The following XYLT1 variants were observed in gnomAD, a reference collection of about 807,000 sequenced individuals.
XYLT1 encodes the protein xylosyltransferase 1.
Under a neutral mutation model 91.3 loss-of-function variants are expected in XYLT1, and 36 were observed. That is an observed-to-expected ratio of 0.39 (90% CI 0.30 to 0.52). XYLT1 has a LOEUF of 0.52. XYLT1 is among the 20% of genes least tolerant of loss of function. The pLI, the probability that XYLT1 is intolerant of heterozygous loss-of-function variation, is 0.68. For synonymous variants in XYLT1, 588 were observed against 532.0 expected, an observed-to-expected ratio of 1.11 and a Z score of -1.45; for missense variants, 1,242 against 1,284.5, an observed-to-expected ratio of 0.97 and a Z score of 0.51.
At chr16:17,397,767 C>G (rs1294518936) in intron 1 of XYLT1, among the ~76,000 whole-genome samples, 5 of 151,080 alleles carry the variant, frequency 3.3e-5, no homozygotes, top group Non-Finnish European at 4.4e-5. Context: ...TTCAGACATA[C>G]AAACAGCGGA....
In XYLT1 at chr16:17,164,012, T is replaced by TGGAA. The variant is rs574920854; in HGVS notation, c.1290-5107_1290-5104dup. Among the ~76,000 whole-genome samples, 99 of 88,412 alleles carry TGGAA rather than the reference T, an allele frequency of 1.1e-3. 1 individual carries two copies. The East Asian group carries it at 0.026, about 23-fold the overall frequency. The allele number at this position is 88,412 out of a possible 152,430, so 58.0% of individuals were successfully genotyped here. The stretch of plus-strand genomic sequence containing the variant: ...GAGATCGCGCCACTGTACTCCCACC[T>TGGAA]GGAAAACAAGAGCGAAACTCTGTCT... On this transcript the variant is annotated intron_variant, in intron 5 of 11. Transcript: ENST00000261381.
chr16:17,411,307 T>C (rs2141911653), intron 1 of XYLT1, among the ~76,000 whole-genome samples: 1 of 152,326 alleles, frequency 6.6e-6, no homozygotes, highest in East Asian at 1.9e-4. Context: ...ACCCCCTTCA[T>C]GGTGGTAGTT....
In XYLT1 at chr16:17,108,941, G is replaced by A. The variant is rs772538035; in HGVS notation, c.2634C>T (p.Val878=). ...GGGCGGGGTTGATGGGCAGGCTGAG[G>A]ACGGGGTTTAGGCTCTGGAAGCTCT... ...MEQSFQSLNP[V]LSLPINPAQV... is the part of the protein sequence containing the mutation. The change falls in exon 12 of 12, where the codon GTC becomes GTT. Residue 878 remains valine, a synonymous_variant. Coordinates refer to ENST00000261381, the MANE Select transcript of XYLT1 (RefSeq NM_022166.4). The A allele has an allele frequency of 3.1e-6, 5 of 1,597,578 alleles. No homozygotes were observed. Among genetic ancestry groups the A allele is most frequent in the Non-Finnish European group, 4.3e-6 (5 of 1,167,920 alleles).
At chr16:17,311,623 GA>G (rs1294605923) in intron 2 of XYLT1, among the ~76,000 whole-genome samples, 1 of 152,180 alleles carries the variant, frequency 6.6e-6, no homozygotes, top group South Asian at 2.1e-4. Context: ...CAACAACGTT[GA>G]TGCTGATTTC....
chr16:17,373,314 C>T lies in XYLT1; in HGVS notation c.364-15264G>A, dbSNP rs184709691. Among the ~76,000 whole-genome samples the T allele has an allele frequency of 5.3e-5, 8 of 152,274 alleles. 1 individual carries two copies. In the East Asian group the frequency reaches 1.5e-3, roughly 29 times the overall value. ...GCGTCTACAGTGCTCGGGCCACTGA[C>T]GTTCATCAGGCACCTACTATGTGCC... On this transcript the variant is annotated intron_variant, in intron 1 of 11. Coordinates refer to ENST00000261381, the MANE Select transcript of XYLT1 (RefSeq NM_022166.4).
intron 1 of XYLT1, among the ~76,000 whole-genome samples, chr16:17,397,153 A>G (rs1464180777): frequency 6.6e-6 from 1 of 152,166 alleles, no homozygotes; most frequent in Non-Finnish European, 1.5e-5. Context: ...TGATCAGGGA[A>G]GGCTTCCTGG....
chr16:17,256,425 G>C (rs187138117), intron 3 of XYLT1, among the ~76,000 whole-genome samples: 1 of 152,054 alleles, frequency 6.6e-6, no homozygotes, highest in African/African-American at 2.4e-5. Flanking sequence ...GGCCGAGGCG[G>C]GTGGATCACT....
intron 1 of XYLT1, among the ~76,000 whole-genome samples, chr16:17,436,410 C>T (rs1170653715): frequency 1.3e-5 from 2 of 152,016 alleles, no homozygotes; most frequent in Non-Finnish European, 2.9e-5. Flanking sequence ...GCCATGATAT[C>T]GCCTTGCTTT....
chr16:17,347,191 G>A (rs2035156069), intron 2 of XYLT1, among the ~76,000 whole-genome samples: 1 of 152,130 alleles, frequency 6.6e-6, no homozygotes, highest in Admixed American at 6.5e-5. Flanking sequence ...AGGTGTGACC[G>A]AGAACCAAGA....
chr16:17,161,677 GCT>G (rs10676460), intron 5 of XYLT1, among the ~76,000 whole-genome samples: 51 of 148,964 alleles, frequency 3.4e-4, no homozygotes, highest in African/African-American at 4.9e-4. Flanking sequence ...TTTCTCGCGC[GCT>G]CTCTCTCTCT....
chr16:17,257,142 C>T (rs1296619112), intron 3 of XYLT1, among the ~76,000 whole-genome samples: 2 of 152,166 alleles, frequency 1.3e-5, no homozygotes, highest in East Asian at 1.9e-4. Context: ...AACCTTTGGC[C>T]ACTTTGTGAG....
intron 2 of XYLT1, among the ~76,000 whole-genome samples, chr16:17,267,514 C>T (rs2033824409): frequency 1.3e-5 from 2 of 152,226 alleles, no homozygotes; most frequent in South Asian, 4.1e-4. Context: ...TCACGCCATT[C>T]TCCTGCCTCA....
At chr16:17,410,127 T>G (rs2036088885) in intron 1 of XYLT1, among the ~76,000 whole-genome samples, 1 of 152,088 alleles carries the variant, frequency 6.6e-6, no homozygotes, top group South Asian at 2.1e-4. Context: ...TGGCTGCCCC[T>G]TTTGCCAGAA....
chr16:17,380,530 C>A (rs2035666926), intron 1 of XYLT1, among the ~76,000 whole-genome samples: 1 of 152,126 alleles, frequency 6.6e-6, no homozygotes, highest in Non-Finnish European at 1.5e-5. Flanking sequence ...TGCTTATACT[C>A]CTTATATTTA....
At chr16:17,416,621 C>T (rs1408743593) in intron 1 of XYLT1, among the ~76,000 whole-genome samples, 1 of 151,886 alleles carries the variant, frequency 6.6e-6, no homozygotes, top group African/African-American at 2.4e-5. Flanking sequence ...GGAGGAGCTG[C>T]GGCTCCTGCT....
chr16:17,302,208 A>ATAC lies in XYLT1; in HGVS notation c.403-42713_403-42711dup, dbSNP rs200286825. On this transcript the variant is annotated intron_variant, in intron 2 of 11. Transcript: ENST00000261381. ...TGACAGAGCAAGACTCGATCTCAAA[A>ATAC]TACTACTACTACTACTACTACTAAT... Among the ~76,000 whole-genome samples the ATAC allele has an allele frequency of 2.6e-3, 399 of 151,826 alleles. 2 individuals are homozygous for ATAC. Among genetic ancestry groups the ATAC allele is most frequent in the African/African-American group, 3.4e-3 (141 of 41,354 alleles).
chr16:17,232,253 TATA>T (rs1285190173), intron 3 of XYLT1, among the ~76,000 whole-genome samples: 3 of 143,206 alleles, frequency 2.1e-5, no homozygotes, highest in African/African-American at 7.7e-5. Flanking sequence ...ATATATTATA[TATA>T]ATTATTATTA....
intron 3 of XYLT1, among the ~76,000 whole-genome samples, chr16:17,215,842 G>T (rs900964110): frequency 3.3e-5 from 5 of 152,132 alleles, no homozygotes; most frequent in Non-Finnish European, 7.3e-5. Context: ...CAGAAGATGA[G>T]GATGGGCCGA....
intron 3 of XYLT1, among the ~76,000 whole-genome samples, chr16:17,215,291 C>A (rs58019323): frequency 6.6e-6 from 1 of 152,276 alleles, no homozygotes; most frequent in South Asian, 2.1e-4. Flanking sequence ...AGGAGGCAGA[C>A]GTTGCACCAC....
Sources: gnomAD v4.1 joint callset for allele counts (sites outside exome capture counted in the v4.1 genomes callset) on GRCh38, gnomAD v4.1.1 for gene constraint, MANE v1.5 for transcripts, NCBI Gene and HGNC (gene_info 2026-07-23, HGNC 2026-07-21) for gene names.